PLXDC1: variants seen among roughly 807,000 people sequenced by gnomAD.
The protein encoded by PLXDC1 is plexin domain-containing protein 1.
A neutral mutation model predicts 61.3 loss-of-function variants in PLXDC1; 39 were observed. That is an observed-to-expected ratio of 0.64 (90% CI 0.49 to 0.83). The LOEUF (loss-of-function observed/expected upper bound fraction) is 0.83. Among genes scored for constraint, PLXDC1 ranks in the 40% least tolerant of loss-of-function variants. The pLI, the probability that PLXDC1 is intolerant of heterozygous loss-of-function variation, is 0.00. For missense variants in PLXDC1, 596 were observed against 666.5 expected (o/e 0.89, Z 1.17); for synonymous variants, 212 against 254.5 (o/e 0.83, Z 1.59).
In PLXDC1 at chr17:39,065,353, G is replaced by A. The variant is rs1281055839; in HGVS notation, c.*2487C>T. 6.7e-6 allele frequency: 1 copy of A among 150,256 alleles called. No homozygotes were observed. Among genetic ancestry groups the A allele is most frequent in the Non-Finnish European group, 1.5e-5 (1 of 67,764 alleles). 9.3% of individuals were successfully genotyped at this position (150,256 alleles called of 1,614,324 possible). On this transcript the variant is annotated 3_prime_UTR_variant, in exon 14 of 14. Coordinates refer to ENST00000315392, the MANE Select transcript of PLXDC1 (RefSeq NM_020405.5). Reference sequence around the variant, plus strand: ...CAAGCATCTCATAGAGTTAATGATTGTCTACAGGATCCCTGACAATGTAAG... The same window carrying A: ...CAAGCATCTCATAGAGTTAATGATTATCTACAGGATCCCTGACAATGTAAG...
chr17:39,092,754 C>T (rs1263688937), intron 7 of PLXDC1, among the ~76,000 whole-genome samples: 1 of 152,224 alleles, frequency 6.6e-6, no homozygotes, highest in African/African-American at 2.4e-5. Flanking sequence ...CTGGAAGCCA[C>T]TGTGGCTCCA....
At position 39,108,228 on chromosome 17, in the gene PLXDC1, C is replaced by T; in HGVS notation, c.487G>A (p.Asp163Asn). Residue 163 changes from aspartate to asparagine, a missense_variant, in exon 5 of 14, where the codon GAC (aspartate) becomes AAC (asparagine). Transcript: ENST00000315392. ...GCTGTGAGCATCCGATGGATCACGT[C>T]CCCCATGAAGATGAAGCCTAGGGTG... The part of the protein sequence containing the change: ...IATGGFIFMG[D>N]VIHRMLTATQ... 5 of 1,614,052 alleles carry T rather than the reference C, an allele frequency of 3.1e-6. No homozygotes were observed. Among genetic ancestry groups the T allele is most frequent in the Non-Finnish European group, 4.2e-6 (5 of 1,180,006 alleles).
chr17:39,076,556 A>T (rs76318987), intron 11 of PLXDC1, among the ~76,000 whole-genome samples: 6,286 of 151,658 alleles, frequency 0.041, 128 homozygotes, highest in East Asian at 0.094. Context: ...GGGAAGAAAA[A>T]CGTGGCTGAA....
At chr17:39,114,723 C>G (rs76001959) in intron 2 of PLXDC1, among the ~76,000 whole-genome samples, 2 of 152,306 alleles carry the variant, frequency 1.3e-5, no homozygotes, top group East Asian at 3.9e-4. Flanking sequence ...AGCAGGACAG[C>G]TGCAGATGCT....
At position 39,139,826 on chromosome 17, in the gene PLXDC1, T is replaced by C; in HGVS notation, c.83A>G (p.Asp28Gly). 3 of 1,601,006 alleles carry C rather than the reference T, an allele frequency of 1.9e-6. No individual in the cohort carries two copies. Among genetic ancestry groups the C allele is most frequent in the Non-Finnish European group, 8.5e-7 (1 of 1,171,638 alleles). ...AGCCCATCCAGAGCCTGGGCCCTCA[T>C]CGTGACCTGGGAGAAGGGGACAGAA... is the stretch of plus-strand genomic sequence containing the variant. The part of the protein sequence containing the change: ...ALSPQPGAGH[D>G]EGPGSGWAAK... The change falls in exon 2 of 14, where the codon GAT becomes GGT. Residue 28 changes from aspartate to glycine, a missense_variant. By Grantham distance (94) the Asp-to-Gly change is moderately conservative. Coordinates refer to ENST00000315392, the MANE Select transcript of PLXDC1 (RefSeq NM_020405.5).
intron 2 of PLXDC1, among the ~76,000 whole-genome samples, chr17:39,128,114 T>C (rs1384528964): frequency 3.0e-4 from 27 of 91,350 alleles, no homozygotes; most frequent in Admixed American, 4.1e-4. Context: ...TATATATATA[T>C]GTATATATAT....
At chr17:39,070,856 T>C (rs1479679335) in intron 12 of PLXDC1, among the ~76,000 whole-genome samples, 1 of 152,186 alleles carries the variant, frequency 6.6e-6, no homozygotes, top group Non-Finnish European at 1.5e-5. Flanking sequence ...CACGCGCCTG[T>C]AGTCCCAGCT....
At chr17:39,101,646 C>T (rs1005428712) in intron 7 of PLXDC1, among the ~76,000 whole-genome samples, 14 of 152,262 alleles carry the variant, frequency 9.2e-5, no homozygotes, top group South Asian at 2.1e-4. Flanking sequence ...TAGCAGTGGG[C>T]GCTTTGCCCT....
intron 2 of PLXDC1, among the ~76,000 whole-genome samples, chr17:39,112,457 C>CTTTTTT (rs11448360): frequency 6.8e-4 from 82 of 121,074 alleles, no homozygotes; most frequent in African/African-American, 9.1e-4. Context: ...TTTTTTCTTT[C>CTTTTTT]TTTTTTTTTT....
chr17:39,122,112 G>A (rs140925604), intron 2 of PLXDC1, among the ~76,000 whole-genome samples: 60 of 46,090 alleles, frequency 1.3e-3, no homozygotes, highest in Non-Finnish European at 1.9e-3. Flanking sequence ...AAAAAAAAAA[G>A]GGGGGGGGGA....
chr17:39,100,928 A>C (rs1019464112), intron 7 of PLXDC1, among the ~76,000 whole-genome samples: 23 of 152,362 alleles, frequency 1.5e-4, no homozygotes, highest in African/African-American at 4.6e-4. Context: ...TTTGCCAACA[A>C]GAATGCAAGT....
chr17:39,152,759 G>T, upstream of PLXDC1: 1 of 998,498 alleles, frequency 1.0e-6, no homozygotes, highest in Non-Finnish European at 1.3e-6. Flanking sequence ...CGGATTCCGT[G>T]GCACTGAGGT....
chr17:39,128,468 C>T (rs748414735), intron 2 of PLXDC1, among the ~76,000 whole-genome samples: 2 of 151,448 alleles, frequency 1.3e-5, no homozygotes, highest in South Asian at 2.1e-4. Flanking sequence ...GATCCGCCCA[C>T]CCAGGCCTCC....
chr17:39,140,698 A>ACGGC (rs1911910110), intron 1 of PLXDC1, among the ~76,000 whole-genome samples: 1 of 152,186 alleles, frequency 6.6e-6, no homozygotes, highest in African/African-American at 2.4e-5. Flanking sequence ...GAGCCTTCCA[A>ACGGC]ACCAGTTTCT....
intron 10 of PLXDC1, among the ~76,000 whole-genome samples, chr17:39,078,656 G>A (rs1327129325): frequency 6.6e-6 from 1 of 152,172 alleles, no homozygotes; most frequent in Admixed American, 6.5e-5. Context: ...CAGTGAGAAG[G>A]AACCTGGATG....
chr17:39,072,232 A>C, intron 12 of PLXDC1: 1 of 584,238 alleles, frequency 1.7e-6, no homozygotes, highest in Non-Finnish European at 3.1e-6. Context: ...CAGGGCTGAG[A>C]TGAGAAATGT....
chr17:39,091,201 G>A (rs1035447236), intron 7 of PLXDC1, among the ~76,000 whole-genome samples: 70 of 152,308 alleles, frequency 4.6e-4, no homozygotes, highest in Admixed American at 3.3e-4. Context: ...AGTGGGGGAC[G>A]GCAGTGCTCA....
At chr17:39,079,519 G>T (rs1400578407) in intron 9 of PLXDC1, 1 of 462,330 alleles carries the variant, frequency 2.2e-6, no homozygotes, top group Non-Finnish European at 4.3e-6. Context: ...CATCCTGGTT[G>T]TTGAGGGACC....
In PLXDC1 at chr17:39,145,759, T is replaced by C. The variant is rs370690098; in HGVS notation, c.76+5603A>G. On this transcript the variant is annotated intron_variant, in intron 1 of 13. Transcript: ENST00000315392. ...ATCAGAGCAGTAAAACAACACAGGT[T>C]TGGAATCAGACAAGCTAGACACTGA... is the stretch of plus-strand genomic sequence containing the variant. 7.9e-5 allele frequency among the ~76,000 whole-genome samples: 12 copies of C among 152,282 alleles called. No homozygotes were observed. The South Asian group carries it at 8.3e-4, about 11-fold the overall frequency.
Sources: gnomAD v4.1 joint callset for allele counts (sites outside exome capture counted in the v4.1 genomes callset) on GRCh38, gnomAD v4.1.1 for gene constraint, MANE v1.5 for transcripts, NCBI Gene and HGNC (gene_info 2026-07-23, HGNC 2026-07-21) for gene names.